ACSL4: variants seen among roughly 807,000 people sequenced by gnomAD.
The protein encoded by ACSL4 is long-chain-fatty-acid--CoA ligase 4.
Under a neutral mutation model 49.1 loss-of-function variants are expected in ACSL4, and 9 were observed. That is an observed-to-expected ratio of 0.18 (90% CI 0.11 to 0.32). The LOEUF (loss-of-function observed/expected upper bound fraction) is 0.32. ACSL4 is among the 10% of genes least tolerant of loss of function. ACSL4 has a pLI of 1.00. For missense variants in ACSL4, 333 were observed against 493.7 expected, an observed-to-expected ratio of 0.67 and a Z score of 3.08; for synonymous variants, 191 against 170.3, an observed-to-expected ratio of 1.12 and a Z score of -0.95.
intron 15 of ACSL4, among the ~76,000 whole-genome samples, chrX:109,644,501 C>T (rs1486896817): frequency 1.8e-5 from 2 of 110,964 alleles, no homozygotes; most frequent in African/African-American, 3.3e-5. Flanking sequence ...TATTTATACT[C>T]ACACACACAC....
rs370707529 is a variant in ACSL4, at chrX:109,688,541, T to C, written c.-12-5166A>G. Among the ~76,000 whole-genome samples, 9 of 111,826 alleles carry C rather than the reference T, an allele frequency of 8.0e-5. No individual in the cohort carries two copies. In the East Asian group the frequency reaches 2.0e-3, roughly 24 times the overall value. ...TGGCACTCCTTGAAAGAGGTGTCTA[T>C]GGCTCTCTGTCTCCCAGTTCTCTCC... On this transcript the variant is annotated intron_variant, in intron 2 of 15. Transcript: ENST00000672401.
In ACSL4 at chrX:109,641,860, T is replaced by C. The variant is rs547199680; in HGVS notation, c.*2169A>G. The C allele has an allele frequency of 3.5e-5, 4 of 112,850 alleles. No individual in the cohort carries two copies. In the East Asian group the frequency reaches 1.1e-3, roughly 31 times the overall value. 9.3% of individuals were successfully genotyped at this position (112,850 alleles called of 1,213,427 possible). A position where few individuals can be genotyped will look rare whatever the true frequency, so the allele number is the denominator to read the frequency against. ...AACTTTAGTTGATGGCTGATGTGTATGTAATAACTGTGAGCAATTTAAACA... is the reference window on the plus strand; with the variant it reads ...AACTTTAGTTGATGGCTGATGTGTACGTAATAACTGTGAGCAATTTAAACA... On this transcript the variant is annotated 3_prime_UTR_variant, in exon 16 of 16. Coordinates refer to ENST00000672401, the MANE Select transcript of ACSL4 (RefSeq NM_001318510.2).
chrX:109,659,595 T>C (rs1409960511), intron 14 of ACSL4, 84 bp from the exon 15 acceptor site: 1 of 575,582 alleles, frequency 1.7e-6, no homozygotes, highest in Admixed American at 3.1e-5. Flanking sequence ...ACAGTACAGA[T>C]AATTCCAAAT....
chrX:109,682,053 G>GT (rs1924203948), intron 4 of ACSL4, among the ~76,000 whole-genome samples: 1 of 111,999 alleles, frequency 8.9e-6, no homozygotes. Flanking sequence ...TTCACAAGCT[G>GT]TTCATCGTTG....
chrX:109,653,604 A>C (rs1364757973), intron 15 of ACSL4, among the ~76,000 whole-genome samples: 1 of 110,861 alleles, frequency 9.0e-6, no homozygotes, highest in Non-Finnish European at 1.9e-5. Flanking sequence ...GCACATATAC[A>C]CCATGGAATA....
intron 15 of ACSL4, among the ~76,000 whole-genome samples, chrX:109,654,441 CACG>C (rs1921455904): frequency 9.0e-6 from 1 of 111,125 alleles, no homozygotes; most frequent in Non-Finnish European, 1.9e-5. Context: ...TCCAACAAAA[CACG>C]AAGAGTATAT....
chrX:109,723,628 C>T (rs1386491240), intron 1 of ACSL4, among the ~76,000 whole-genome samples: 1 of 111,910 alleles, frequency 8.9e-6, no homozygotes, highest in Non-Finnish European at 1.9e-5. Context: ...TTAAATCATT[C>T]CCTACTGATG....
chrX:109,699,166 A>G (rs1015526160), intron 1 of ACSL4, among the ~76,000 whole-genome samples: 5 of 112,108 alleles, frequency 4.5e-5, no homozygotes, highest in Non-Finnish European at 7.5e-5. Flanking sequence ...CAAGAGTTTG[A>G]GACCAGCGTG....
intron 8 of ACSL4, among the ~76,000 whole-genome samples, chrX:109,674,897 G>A (rs983014945): frequency 3.6e-5 from 4 of 112,082 alleles, no homozygotes; most frequent in Admixed American, 1.9e-4. Context: ...ACACCACTAT[G>A]AACATCAATT....
At chrX:109,686,514 T>G (rs1352196485) in intron 2 of ACSL4, among the ~76,000 whole-genome samples, 1 of 112,081 alleles carries the variant, frequency 8.9e-6, no homozygotes, top group Non-Finnish European at 1.9e-5. Context: ...TCTTCAGATT[T>G]ATAAAATGCC....
chrX:109,688,886 T>C (rs766682457), intron 2 of ACSL4, among the ~76,000 whole-genome samples: 6 of 109,804 alleles, frequency 5.5e-5, no homozygotes, highest in African/African-American at 1.7e-4. Context: ...GGCTTGGTCC[T>C]TGAACCTCAC....
intron 1 of ACSL4, among the ~76,000 whole-genome samples, chrX:109,718,019 G>A (rs773322655): frequency 5.4e-5 from 6 of 111,707 alleles, no homozygotes; most frequent in Non-Finnish European, 9.4e-5. Flanking sequence ...AGGTAACTGC[G>A]CAACTTTGAT....
intron 15 of ACSL4, among the ~76,000 whole-genome samples, chrX:109,655,794 C>A (rs1420324982): frequency 9.0e-6 from 1 of 111,013 alleles, no homozygotes; most frequent in Non-Finnish European, 1.9e-5. Context: ...AGATCATACA[C>A]AAAGGAATGG....
At chrX:109,719,088 A>C (rs1254617773) in intron 1 of ACSL4, among the ~76,000 whole-genome samples, 2 of 81,228 alleles carry the variant, frequency 2.5e-5, no homozygotes, top group African/African-American at 7.3e-5. Context: ...GAGGCTAACA[A>C]ACAAAATAAA....
chrX:109,703,781 C>T (rs562391173), intron 1 of ACSL4, among the ~76,000 whole-genome samples: 15 of 111,180 alleles, frequency 1.3e-4, no homozygotes, highest in Middle Eastern at 4.6e-3. Flanking sequence ...AAAATACAAA[C>T]ATTAGCCAGG....
At chrX:109,671,198 G>A (rs895898172) in intron 9 of ACSL4, among the ~76,000 whole-genome samples, 1 of 109,312 alleles carries the variant, frequency 9.1e-6, no homozygotes, top group Admixed American at 9.6e-5. Context: ...CTGCCCAGCC[G>A]CCCATCCTCT....
chrX:109,675,259 C>G (rs1225618171), intron 8 of ACSL4, among the ~76,000 whole-genome samples: 1 of 112,672 alleles, frequency 8.9e-6, no homozygotes, highest in African/African-American at 3.2e-5. Flanking sequence ...CTACAGAGAG[C>G]AGTTCCAGGA....
chrX:109,691,332 A>C, intron 2 of ACSL4, among the ~76,000 whole-genome samples: 1 of 112,539 alleles, frequency 8.9e-6, no homozygotes, highest in Non-Finnish European at 1.9e-5. Flanking sequence ...TCTGAAAAAG[A>C]TTAGTTGTAA....
In ACSL4 at chrX:109,644,212, G is replaced by C. The variant is rs1934537757; in HGVS notation, c.1856-26C>G. ...CTGAAATTAGAAGTGAAAGATGGGA[G>C]AAAAGGAGAGGGGGGGAAAGAGACG... is the stretch of plus-strand genomic sequence containing the variant. On this transcript the variant is annotated intron_variant, in intron 15 of 15. Transcript: ENST00000672401. 2.5e-6 allele frequency: 3 copies of C among 1,185,305 alleles called. No individual in the cohort carries two copies. In the South Asian group the frequency reaches 5.5e-5, roughly 22 times the overall value.
Sources: allele counts gnomAD v4.1 joint callset (sites outside exome capture counted in the v4.1 genomes callset), GRCh38; gene constraint gnomAD v4.1.1; transcripts MANE v1.5; gene names NCBI Gene and HGNC (gene_info 2026-07-23, HGNC 2026-07-21).